The following METTL25 variants were observed in gnomAD, a reference collection of about 807,000 sequenced individuals.
METTL25 encodes the protein probable methyltransferase-like protein 25.
A neutral mutation model predicts 71.6 loss-of-function variants in METTL25; 64 were observed. That is an observed-to-expected ratio of 0.89 (90% CI 0.73 to 1.10). The LOEUF (loss-of-function observed/expected upper bound fraction) is 1.10, where lower values mean the gene tolerates loss of function less well. Among genes scored for constraint, METTL25 ranks in the 50% least tolerant of loss-of-function variants. The pLI is 0.00. For synonymous variants in METTL25, 287 were observed against 250.3 expected (o/e 1.15, Z -1.38); for missense variants, 807 against 707.0 (o/e 1.14, Z -1.60).
chr12:82,373,595 G>A (rs1322277303), intron 1 of METTL25, among the ~76,000 whole-genome samples: 1 of 152,204 alleles, frequency 6.6e-6, no homozygotes, highest in African/African-American at 2.4e-5. Context: ...AGGAGGCAAG[G>A]GTCAGGATAG....
At chr12:82,478,041 G>A (rs974151667) in intron 11 of METTL25, among the ~76,000 whole-genome samples, 2 of 151,688 alleles carry the variant, frequency 1.3e-5, no homozygotes, top group Admixed American at 6.6e-5. Context: ...GAAACAAATG[G>A]ATATTTAAAA....
intron 5 of METTL25, among the ~76,000 whole-genome samples, chr12:82,413,813 T>C (rs1887741952): frequency 6.6e-6 from 1 of 152,028 alleles, no homozygotes; most frequent in East Asian, 1.9e-4. Flanking sequence ...TAATAAATAA[T>C]AAATACTCTA....
chr12:82,391,912 A>G (rs1344719418), intron 3 of METTL25, among the ~76,000 whole-genome samples: 1 of 151,458 alleles, frequency 6.6e-6, no homozygotes, highest in Non-Finnish European at 1.5e-5. Context: ...ATGCTTTTTG[A>G]TAATAGCCTT....
At chr12:82,369,186 T>C (rs931680697) in intron 1 of METTL25, among the ~76,000 whole-genome samples, 1 of 152,226 alleles carries the variant, frequency 6.6e-6, no homozygotes, top group African/African-American at 2.4e-5. Context: ...TACACTAAAT[T>C]AGTAATGAAA....
intron 5 of METTL25, among the ~76,000 whole-genome samples, chr12:82,427,899 A>G (rs1889164884): frequency 6.6e-6 from 1 of 151,992 alleles, no homozygotes; most frequent in African/African-American, 2.4e-5. Flanking sequence ...CCAAAGTAAC[A>G]GTGACTTAAA....
At chr12:82,371,722 C>G (rs1883254321) in intron 1 of METTL25, among the ~76,000 whole-genome samples, 1 of 152,088 alleles carries the variant, frequency 6.6e-6, no homozygotes. Flanking sequence ...ATAAACTTGT[C>G]TTTTAAGATC....
At chr12:82,441,618 C>T (rs560040949) in intron 8 of METTL25, among the ~76,000 whole-genome samples, 13 of 151,682 alleles carry the variant, frequency 8.6e-5, no homozygotes, top group African/African-American at 2.2e-4. Context: ...CAGTACGAGT[C>T]CCCCGGGTTT....
rs550429671 is a variant in METTL25, at chr12:82,365,580, G to A, written c.259+6756G>A. 1.3e-4 allele frequency among the ~76,000 whole-genome samples: 20 copies of A among 152,300 alleles called. 1 individual carries two copies. Among genetic ancestry groups the A allele is most frequent in the East Asian group, 3.9e-4 (2 of 5,182 alleles). ...ACTGTGTTCTTGGGAAGTAATGACT[G>A]TAAGTGTAAATCTGTAACATTCTCA... On this transcript the variant is annotated intron_variant, in intron 1 of 11. Transcript: ENST00000248306.
chr12:82,440,769 C>G (rs1264147658), intron 8 of METTL25, among the ~76,000 whole-genome samples: 1 of 151,960 alleles, frequency 6.6e-6, no homozygotes, highest in Non-Finnish European at 1.5e-5. Context: ...GGAAACAAAA[C>G]CATGCCAGAG....
intron 3 of METTL25, among the ~76,000 whole-genome samples, chr12:82,391,592 T>A (rs1803960974): frequency 6.6e-6 from 1 of 151,914 alleles, no homozygotes; most frequent in African/African-American, 2.4e-5. Flanking sequence ...AACTTTTCAT[T>A]GTGCATATAT....
intron 5 of METTL25, among the ~76,000 whole-genome samples, chr12:82,417,367 C>T (rs935882324): frequency 2.6e-5 from 4 of 152,202 alleles, no homozygotes; most frequent in Middle Eastern, 3.4e-3. Flanking sequence ...AAATATTAAA[C>T]ATTTATTTCT....
At chr12:82,385,830 G>A (rs73151447) in intron 1 of METTL25, among the ~76,000 whole-genome samples, 9,442 of 152,198 alleles carry the variant, frequency 0.062, 342 homozygotes, top group Middle Eastern at 0.12. Context: ...TTCAGGCTGA[G>A]GAATGTTCCG....
At chr12:82,476,576 G>T in intron 9 of METTL25, 68 bp from the exon 10 acceptor site, 1 of 994,626 alleles carries the variant, frequency 1.0e-6, no homozygotes, top group South Asian at 1.4e-5. Context: ...TTTTACTTTA[G>T]GATATGTTTG....
At chr12:82,385,247 A>G (rs947389309) in intron 1 of METTL25, among the ~76,000 whole-genome samples, 1 of 152,152 alleles carries the variant, frequency 6.6e-6, no homozygotes, top group Non-Finnish European at 1.5e-5. Context: ...TTAGAATTCT[A>G]CAAACCCTCA....
intron 3 of METTL25, among the ~76,000 whole-genome samples, chr12:82,390,910 G>A (rs1411469104): frequency 6.6e-6 from 1 of 152,040 alleles, no homozygotes; most frequent in Non-Finnish European, 1.5e-5. Context: ...TCTTTCAGGT[G>A]GCAGCCAACC....
chr12:82,416,810 A>G (rs1888025104), intron 5 of METTL25, among the ~76,000 whole-genome samples: 1 of 152,094 alleles, frequency 6.6e-6, no homozygotes, highest in South Asian at 2.1e-4. Context: ...AACCGGTAAC[A>G]TGTAAGTACT....
intron 5 of METTL25, among the ~76,000 whole-genome samples, chr12:82,417,870 A>G (rs957060225): frequency 6.6e-6 from 1 of 152,160 alleles, no homozygotes; most frequent in African/African-American, 2.4e-5. Flanking sequence ...GACAGTTGAA[A>G]GATGAGGGAG....
At chr12:82,449,669 T>C (rs1890996694) in intron 8 of METTL25, among the ~76,000 whole-genome samples, 1 of 152,180 alleles carries the variant, frequency 6.6e-6, no homozygotes, top group Admixed American at 6.5e-5. Context: ...TCACTGTTCT[T>C]ACTGAACCTG....
intron 1 of METTL25, among the ~76,000 whole-genome samples, chr12:82,365,883 C>A (rs952911031): frequency 5.9e-5 from 9 of 152,146 alleles, no homozygotes; most frequent in African/African-American, 2.2e-4. Flanking sequence ...GAGATCGACA[C>A]CCTCCTGGCT....
Sources: gnomAD v4.1 joint callset for allele counts (sites outside exome capture counted in the v4.1 genomes callset) on GRCh38, gnomAD v4.1.1 for gene constraint, MANE v1.5 for transcripts, NCBI Gene and HGNC (gene_info 2026-07-23, HGNC 2026-07-21) for gene names.